Variants in NKAIN3 observed in about 807,000 individuals in gnomAD.
The protein encoded by NKAIN3 is sodium/potassium-transporting ATPase subunit beta-1-interacting protein 3.
A neutral mutation model predicts 30.2 loss-of-function variants in NKAIN3; 25 were observed. The observed-to-expected ratio is 0.83, with a 90% CI of 0.60 to 1.16. NKAIN3 has a LOEUF of 1.16. Among genes scored for constraint, NKAIN3 ranks in the 50% most tolerant of loss-of-function variants. The pLI is 0.00. For missense variants in NKAIN3, 225 were observed against 254.1 expected (o/e 0.89, Z 0.78); for synonymous variants, 91 against 89.6 (o/e 1.02, Z -0.09).
intron 3 of NKAIN3, among the ~76,000 whole-genome samples, chr8:62,670,490 C>G (rs1183812296): frequency 6.6e-6 from 1 of 152,100 alleles, no homozygotes; most frequent in East Asian, 1.9e-4. Context: ...TTGGTATTCT[C>G]TATTTGGGGA....
At chr8:62,421,890 A>C (rs898669203) in intron 1 of NKAIN3, among the ~76,000 whole-genome samples, 5 of 152,060 alleles carry the variant, frequency 3.3e-5, no homozygotes, top group African/African-American at 1.2e-4. Context: ...GATGTCATAT[A>C]GTCAGTATGT....
At chr8:62,656,174 C>T (rs949478259) in intron 3 of NKAIN3, among the ~76,000 whole-genome samples, 4 of 152,092 alleles carry the variant, frequency 2.6e-5, no homozygotes, top group African/African-American at 9.7e-5. Flanking sequence ...CCATTTTGTG[C>T]CATGACTAAT....
chr8:62,858,889 T>A (rs182391474), intron 4 of NKAIN3, among the ~76,000 whole-genome samples: 37 of 152,300 alleles, frequency 2.4e-4, no homozygotes, highest in South Asian at 2.1e-3. Context: ...CTTGGCTCCT[T>A]GGGTTCAGCC....
chr8:62,785,517 A>G (rs1817486946), intron 4 of NKAIN3, among the ~76,000 whole-genome samples: 1 of 152,166 alleles, frequency 6.6e-6, no homozygotes, highest in South Asian at 2.1e-4. Context: ...TTGTGGTGAT[A>G]GTTGCACAGC....
At chr8:62,831,058 C>T (rs9785076) in intron 4 of NKAIN3, among the ~76,000 whole-genome samples, 12,729 of 152,060 alleles carry the variant, frequency 0.084, 582 homozygotes, top group South Asian at 0.14. Flanking sequence ...TCAGACCCAC[C>T]TGCAGTTAAC....
chr8:62,297,980 A>T (rs1813895536), intron 1 of NKAIN3, among the ~76,000 whole-genome samples: 1 of 152,100 alleles, frequency 6.6e-6, no homozygotes, highest in Non-Finnish European at 1.5e-5. Flanking sequence ...ATACCATGGA[A>T]TACTATGCAG....
chr8:62,829,923 G>T (rs1180473167), intron 4 of NKAIN3, among the ~76,000 whole-genome samples: 1 of 151,862 alleles, frequency 6.6e-6, no homozygotes, highest in East Asian at 1.9e-4. Context: ...GAGAAAGAGA[G>T]AAAAGGAAAA....
intron 4 of NKAIN3, among the ~76,000 whole-genome samples, chr8:62,778,429 C>T: frequency 6.6e-6 from 1 of 152,056 alleles, no homozygotes; most frequent in East Asian, 1.9e-4. Flanking sequence ...AAAGTTCTTA[C>T]CATTCTTCTC....
intron 4 of NKAIN3, among the ~76,000 whole-genome samples, chr8:62,854,034 T>A (rs1183556634): frequency 1.3e-5 from 2 of 152,242 alleles, no homozygotes; most frequent in East Asian, 1.9e-4. Flanking sequence ...AATTTTGAGT[T>A]CTAATTTGAT....
chr8:62,890,803 G>A (rs1222809763), intron 4 of NKAIN3, among the ~76,000 whole-genome samples: 1 of 152,150 alleles, frequency 6.6e-6, no homozygotes, highest in Non-Finnish European at 1.5e-5. Context: ...GAAAGGGTGT[G>A]GCATTTGTTT....
rs181792210 is a variant in NKAIN3 at position 62,744,829 on chromosome 8, C to T, written c.274-2103C>T. Reference sequence around the variant, plus strand: ...CCAACAACCAAAAAAATGACCTAAACGTTTTATTATCAATAAAGTGCTACA... The same window carrying T: ...CCAACAACCAAAAAAATGACCTAAATGTTTTATTATCAATAAAGTGCTACA... On this transcript the variant is annotated intron_variant, in intron 3 of 6. Coordinates refer to ENST00000623646, the MANE Select transcript of NKAIN3 (RefSeq NM_001304533.3). Among the ~76,000 whole-genome samples the T allele has an allele frequency of 6.8e-3, 1,029 of 152,148 alleles. 10 individuals carry two copies. The highest frequency in any genetic ancestry group is 0.023 in the African/African-American group (939 of 41,516).
At chr8:62,525,467 G>T (rs975804648) in intron 1 of NKAIN3, among the ~76,000 whole-genome samples, 12 of 152,074 alleles carry the variant, frequency 7.9e-5, no homozygotes, top group Admixed American at 2.6e-4. Context: ...TCATTATTTA[G>T]CTCCCACTTA....
chr8:62,539,928 C>T (rs1352005747), intron 1 of NKAIN3, among the ~76,000 whole-genome samples: 2 of 152,264 alleles, frequency 1.3e-5, no homozygotes, highest in East Asian at 3.9e-4. Context: ...CAATCACTTT[C>T]AAACAAAAGG....
At chr8:62,799,059 G>C (rs915177314) in intron 4 of NKAIN3, among the ~76,000 whole-genome samples, 7 of 152,168 alleles carry the variant, frequency 4.6e-5, no homozygotes, top group African/African-American at 1.4e-4. Context: ...GTTGGAATTA[G>C]AGCTGGTTAA....
intron 3 of NKAIN3, among the ~76,000 whole-genome samples, chr8:62,596,617 G>T (rs976901020): frequency 6.6e-6 from 1 of 152,010 alleles, no homozygotes; most frequent in Non-Finnish European, 1.5e-5. Context: ...CCAAGTGAGG[G>T]CTATTAGTTC....
At chr8:62,462,758 A>G (rs1806036769) in intron 1 of NKAIN3, among the ~76,000 whole-genome samples, 1 of 152,174 alleles carries the variant, frequency 6.6e-6, no homozygotes, top group Non-Finnish European at 1.5e-5. Flanking sequence ...TTTTAGATGA[A>G]AATCTGTGTT....
intron 1 of NKAIN3, among the ~76,000 whole-genome samples, chr8:62,454,631 A>G (rs1805758361): frequency 6.6e-6 from 1 of 152,198 alleles, no homozygotes; most frequent in Non-Finnish European, 1.5e-5. Context: ...ATCTAGAATC[A>G]TGAGTAACAT....
intron 4 of NKAIN3, among the ~76,000 whole-genome samples, chr8:62,796,873 C>T (rs910155932): frequency 1.8e-4 from 27 of 151,676 alleles, no homozygotes; most frequent in Middle Eastern, 6.9e-3. Context: ...ATTCTGAAAT[C>T]TGTCCATTAG....
At chr8:62,919,227 ATTTTTTTTT>A (rs71255371) in intron 5 of NKAIN3, among the ~76,000 whole-genome samples, 16 of 47,184 alleles carry the variant, frequency 3.4e-4, no homozygotes, top group African/African-American at 1.2e-3. Context: ...TACTTTCAAA[ATTTTTTTTT>A]TTTTTTTTTT....
Sources: gnomAD v4.1 joint callset for allele counts (sites outside exome capture counted in the v4.1 genomes callset) on GRCh38, gnomAD v4.1.1 for gene constraint, MANE v1.5 for transcripts, NCBI Gene and HGNC (gene_info 2026-07-23, HGNC 2026-07-21) for gene names.